Variants in SPAG17 observed in about 807,000 individuals in gnomAD.
SPAG17 encodes the protein sperm-associated antigen 17.
SPAG17 carries 169 observed loss-of-function variants against 273.6 expected under a neutral mutation model. That is an observed-to-expected ratio of 0.62 (90% CI 0.55 to 0.70). The LOEUF (loss-of-function observed/expected upper bound fraction) is 0.70. SPAG17 is among the 30% of genes least tolerant of loss of function. The pLI, the probability that SPAG17 is intolerant of heterozygous loss-of-function variation, is 0.00. For missense variants in SPAG17, 2,557 were observed against 2,627.8 expected, an observed-to-expected ratio of 0.97 and a Z score of 0.59; for synonymous variants, 825 against 873.2, an observed-to-expected ratio of 0.94 and a Z score of 0.97.
rs753116575 is a variant in SPAG17 at position 118,085,969 on chromosome 1, G to T, written c.1715C>A (p.Thr572Asn). The T allele has an allele frequency of 6.2e-6, 10 of 1,613,418 alleles. No individual in the cohort carries two copies. In the South Asian group the frequency reaches 1.1e-4, roughly 18 times the overall value. ...CTCATGAATTGTAGCTAGACGTTTAGTGTTGTTCCATGGTGGGGGTAGAGG... is the reference window on the plus strand; with the variant it reads ...CTCATGAATTGTAGCTAGACGTTTATTGTTGTTCCATGGTGGGGGTAGAGG... ...QFPLPPPWNN[T>N]KRLATIHELM... The change falls in exon 13 of 49, where the codon ACT becomes AAT. Residue 572 changes from threonine to asparagine, a missense_variant. Coordinates refer to ENST00000336338, the MANE Select transcript of SPAG17 (RefSeq NM_206996.4).
At chr1:118,015,594 A>G (rs981778046) in intron 29 of SPAG17, among the ~76,000 whole-genome samples, 3 of 152,182 alleles carry the variant, frequency 2.0e-5, no homozygotes, top group African/African-American at 7.2e-5. Context: ...TCCAGAAGAT[A>G]AGACATTTTA....
At chr1:118,038,410 C>A (rs921140789) in intron 23 of SPAG17, among the ~76,000 whole-genome samples, 1 of 152,122 alleles carries the variant, frequency 6.6e-6, no homozygotes, top group Non-Finnish European at 1.5e-5. Context: ...CCAAAAGTCA[C>A]ACTCCTTGGT....
intron 3 of SPAG17, among the ~76,000 whole-genome samples, chr1:118,145,878 TTG>T (rs1339126940): frequency 6.6e-6 from 1 of 152,188 alleles, no homozygotes; most frequent in Non-Finnish European, 1.5e-5. Flanking sequence ...TAGACAATTT[TTG>T]TTTCAGTAAG....
intron 19 of SPAG17, among the ~76,000 whole-genome samples, chr1:118,055,300 C>T (rs1368184462): frequency 1.3e-5 from 2 of 152,046 alleles, no homozygotes; most frequent in African/African-American, 4.8e-5. Context: ...TGGGACCCTT[C>T]TGTTTGCTGT....
chr1:118,128,099 C>A (rs1321745353), intron 3 of SPAG17, among the ~76,000 whole-genome samples: 2 of 150,054 alleles, frequency 1.3e-5, no homozygotes, highest in African/African-American at 2.5e-5. Flanking sequence ...TCCAGCCTGG[C>A]GACACAGCAA....
chr1:118,177,130 C>G (rs1231300843), intron 1 of SPAG17, among the ~76,000 whole-genome samples: 1 of 152,080 alleles, frequency 6.6e-6, no homozygotes, highest in African/African-American at 2.4e-5. Flanking sequence ...AATAATTATA[C>G]TAGTCAATTC....
chr1:118,164,544 C>T (rs1012716660), intron 1 of SPAG17, among the ~76,000 whole-genome samples: 1 of 152,162 alleles, frequency 6.6e-6, no homozygotes, highest in African/African-American at 2.4e-5. Context: ...TTATTCTCAT[C>T]ACTATTCTCC....
chr1:117,999,778 G>C (rs1418127533), intron 32 of SPAG17, among the ~76,000 whole-genome samples: 2 of 152,126 alleles, frequency 1.3e-5, no homozygotes, highest in Non-Finnish European at 2.9e-5. Flanking sequence ...TAGGTTGCCT[G>C]TTCACTCTGA....
intron 13 of SPAG17, among the ~76,000 whole-genome samples, chr1:118,085,643 G>A (rs147568214): frequency 5.6e-4 from 85 of 152,182 alleles, no homozygotes; most frequent in African/African-American, 1.9e-3. Context: ...CAGAGATGGG[G>A]GAAAACGAGG....
chr1:118,146,319 C>G (rs1277587598), intron 3 of SPAG17, among the ~76,000 whole-genome samples: 4 of 152,086 alleles, frequency 2.6e-5, no homozygotes, highest in Non-Finnish European at 5.9e-5. Context: ...TAATTTTGGT[C>G]AGGACTGACT....
chr1:118,023,206 G>C, intron 28 of SPAG17, 98 bp downstream of exon 28: 1 of 752,812 alleles, frequency 1.3e-6, no homozygotes, highest in Non-Finnish European at 2.0e-6. Flanking sequence ...ATTTGTAGAA[G>C]AGGTTGCAAG....
intron 1 of SPAG17, among the ~76,000 whole-genome samples, chr1:118,172,458 T>C (rs1426958419): frequency 6.6e-6 from 1 of 152,188 alleles, no homozygotes; most frequent in East Asian, 1.9e-4. Flanking sequence ...GGAATAACTG[T>C]CATGCCAATA....
chr1:118,170,162 A>G (rs1660354786), intron 1 of SPAG17, among the ~76,000 whole-genome samples: 1 of 152,170 alleles, frequency 6.6e-6, no homozygotes, highest in Non-Finnish European at 1.5e-5. Flanking sequence ...CATATTTCAA[A>G]GTAAATCAGT....
Position 118,055,888 on chromosome 1 carries a change from G to A in SPAG17, c.2567C>T (p.Ser856Phe), listed in dbSNP as rs746424842. The change falls in exon 19 of 49, where the codon TCT (serine) becomes TTT (phenylalanine). Residue 856 changes from serine to phenylalanine, a missense_variant. Ser to Phe is a radical substitution (Grantham distance 155). Transcript: ENST00000336338. ...TTCTTTTGTAATCCAATCTTGAATA[G>A]ATTTTGCAACAAGTTCCAAATAATT... The part of the protein sequence containing the change: ...FRNYLELVAK[S>F]IQDWITKEEA... 2 of 1,605,714 alleles carry A rather than the reference G, an allele frequency of 1.2e-6. No individual in the cohort carries two copies. The highest frequency in any genetic ancestry group is 1.7e-6 in the Non-Finnish European group (2 of 1,178,006).
rs564938410 is a variant in SPAG17 at position 118,004,522 on chromosome 1, C to T, written c.4776+892G>A. Among the ~76,000 whole-genome samples the T allele has an allele frequency of 3.9e-5, 6 of 152,328 alleles. No homozygotes were observed. The East Asian group carries it at 5.8e-4, about 15-fold the overall frequency. ...TTACCTACTCAAGCCTCAGCAATGG[C>T]GGACCCCCTCCCCCAGCCAGGCTGC... On this transcript the variant is annotated intron_variant, in intron 32 of 48. Coordinates refer to ENST00000336338, the MANE Select transcript of SPAG17 (RefSeq NM_206996.4).
At chr1:117,983,688 G>A in intron 42 of SPAG17, 123 bp downstream of exon 42, 1 of 505,252 alleles carries the variant, frequency 2.0e-6, no homozygotes, top group Non-Finnish European at 3.5e-6. Context: ...AGCCAGATCT[G>A]TCATATGCAG....
intron 30 of SPAG17, among the ~76,000 whole-genome samples, chr1:118,011,506 G>A (rs548898942): frequency 1.3e-5 from 2 of 152,254 alleles, no homozygotes; most frequent in African/African-American, 4.8e-5. Flanking sequence ...TCACTTATAA[G>A]TGGGAGCCAA....
Position 118,066,900 on chromosome 1 carries a change from C to A in SPAG17, c.2386-1G>T. On this transcript the variant is annotated splice_acceptor_variant, in intron 17 of 48. Transcript: ENST00000336338. LOFTEE classifies it high-confidence loss of function. ...ATTGCTTATGGGCTTCTTGAAGGAC[C>A]TGAAAATCAAAATAATTGCATTGTA... is the stretch of plus-strand genomic sequence containing the variant. 1 of 1,597,168 alleles carries A rather than the reference C, an allele frequency of 6.3e-7. No homozygotes were observed.
intron 1 of SPAG17, among the ~76,000 whole-genome samples, chr1:118,162,721 CA>C (rs1659990230): frequency 6.6e-6 from 1 of 152,074 alleles, no homozygotes; most frequent in South Asian, 2.1e-4. Context: ...ACATGGAGCC[CA>C]AATTGTTTCA....
Sources: allele counts gnomAD v4.1 joint callset (sites outside exome capture counted in the v4.1 genomes callset), GRCh38; gene constraint gnomAD v4.1.1; transcripts MANE v1.5; gene names NCBI Gene and HGNC (gene_info 2026-07-23, HGNC 2026-07-21).